STPG2: variants seen among roughly 807,000 people sequenced by gnomAD.
The protein encoded by STPG2 is sperm-tail PG-rich repeat-containing protein 2.
STPG2 carries 56 observed loss-of-function variants against 54.2 expected under a neutral mutation model. The observed-to-expected ratio is 1.03, with a 90% confidence interval of 0.83 to 1.29. The LOEUF (loss-of-function observed/expected upper bound fraction) is 1.29, where lower values mean the gene tolerates loss of function less well. STPG2 is among the 50% of genes most tolerant of loss of function. The probability of loss-of-function intolerance (pLI) is 0.00; values close to 1 mark genes in which losing one functional copy is unlikely to be tolerated. For missense variants in STPG2, 596 were observed against 544.9 expected, an observed-to-expected ratio of 1.09 and a Z score of -0.93; for synonymous variants, 200 against 181.8, an observed-to-expected ratio of 1.10 and a Z score of -0.81.
chr4:97,625,900 G>A (rs1734126688), intron 10 of STPG2, among the ~76,000 whole-genome samples: 1 of 152,070 alleles, frequency 6.6e-6, no homozygotes, highest in Non-Finnish European at 1.5e-5. Context: ...TCCAAATTCT[G>A]GTCCACAGAT....
At chr4:97,970,067 A>C (rs755497668) in intron 7 of STPG2, among the ~76,000 whole-genome samples, 4 of 152,218 alleles carry the variant, frequency 2.6e-5, no homozygotes, top group Non-Finnish European at 4.4e-5. Context: ...CAATTGCTTC[A>C]AAGAGAATAA....
intron 9 of STPG2, among the ~76,000 whole-genome samples, chr4:97,824,976 C>T (rs879301585): frequency 2.6e-5 from 4 of 152,032 alleles, no homozygotes; most frequent in African/African-American, 9.7e-5. Flanking sequence ...AAGGTTCAAA[C>T]GCCAGAAATA....
intron 4 of STPG2, among the ~76,000 whole-genome samples, chr4:97,520,829 A>G (rs985469297): frequency 5.9e-5 from 9 of 152,080 alleles, no homozygotes. Context: ...ATGATAATTC[A>G]GCTGTATTTA....
intron 10 of STPG2, among the ~76,000 whole-genome samples, chr4:97,587,648 A>T (rs1481690156): frequency 6.6e-6 from 1 of 151,944 alleles, no homozygotes; most frequent in Non-Finnish European, 1.5e-5. Context: ...AGAAGTTTGG[A>T]AGTATTTTAC....
intron 4 of STPG2, among the ~76,000 whole-genome samples, chr4:97,456,912 T>TAAAAAAAAAAAAAAAAA (rs1166086887): frequency 2.0e-4 from 19 of 97,174 alleles, no homozygotes; most frequent in African/African-American, 1.2e-3. Flanking sequence ...AAAAGAAAAT[T>TAAAAAAAAAAAAAAAAA]AAAAAAAAAA....
chr4:98,009,875 GT>G, intron 5 of STPG2, among the ~76,000 whole-genome samples: 1 of 151,840 alleles, frequency 6.6e-6, no homozygotes, highest in African/African-American at 2.4e-5. Context: ...TTTCTTCTAG[GT>G]TTTTCAGTTT....
intron 7 of STPG2, among the ~76,000 whole-genome samples, chr4:97,948,199 T>C (rs897727155): frequency 6.6e-6 from 1 of 151,946 alleles, no homozygotes; most frequent in African/African-American, 2.4e-5. Flanking sequence ...GCATAGTTTG[T>C]GTTTCTAGTT....
At chr4:97,687,238 C>T (rs572631733) in intron 10 of STPG2, among the ~76,000 whole-genome samples, 127 of 152,212 alleles carry the variant, frequency 8.3e-4, no homozygotes, top group African/African-American at 2.9e-3. Flanking sequence ...GCATGAGCCA[C>T]CGTGCCCGGC....
At chr4:97,456,325 GGGGA>G (rs1392620941) in intron 4 of STPG2, among the ~76,000 whole-genome samples, 1 of 152,008 alleles carries the variant, frequency 6.6e-6, no homozygotes, top group East Asian at 1.9e-4. Context: ...CCAGCAGGAA[GGGGA>G]GAGAGAGAGA....
chr4:97,741,891 G>T (rs1321027377), intron 9 of STPG2, among the ~76,000 whole-genome samples: 2 of 152,064 alleles, frequency 1.3e-5, no homozygotes, highest in Non-Finnish European at 2.9e-5. Flanking sequence ...TATAAATCAT[G>T]CTGCTATAAA....
intron 4 of STPG2, among the ~76,000 whole-genome samples, chr4:97,466,587 T>C (rs1409378013): frequency 1.3e-5 from 2 of 152,080 alleles, no homozygotes; most frequent in Non-Finnish European, 2.9e-5. Context: ...GGATTTTAAG[T>C]ATTTATTTTT....
intron 8 of STPG2, among the ~76,000 whole-genome samples, chr4:97,857,432 C>A (rs1308189298): frequency 2.0e-5 from 3 of 152,000 alleles, no homozygotes; most frequent in Admixed American, 2.0e-4. Context: ...TCTAGAATTT[C>A]TAGTTTATGG....
intron 10 of STPG2, among the ~76,000 whole-genome samples, chr4:97,656,480 T>C (rs1368617355): frequency 1.3e-5 from 2 of 152,006 alleles, no homozygotes; most frequent in Admixed American, 6.6e-5. Flanking sequence ...TTAGGACAAA[T>C]GCAATAGAGT....
chr4:97,607,169 C>T (rs1733616181), intron 10 of STPG2, among the ~76,000 whole-genome samples: 1 of 151,950 alleles, frequency 6.6e-6, no homozygotes, highest in East Asian at 1.9e-4. Flanking sequence ...GCAATAATAG[C>T]AGCAGCCACA....
At chr4:97,944,375 T>C (rs533699824) in intron 7 of STPG2, among the ~76,000 whole-genome samples, 2 of 151,940 alleles carry the variant, frequency 1.3e-5, no homozygotes, top group South Asian at 2.1e-4. Flanking sequence ...TTAATAAAAA[T>C]ATATTTACAT....
At chr4:97,599,344 C>T (rs1297959202) in intron 10 of STPG2, among the ~76,000 whole-genome samples, 1 of 152,184 alleles carries the variant, frequency 6.6e-6, no homozygotes, top group Admixed American at 6.5e-5. Context: ...TTTGTGATTC[C>T]TCAAAGAACT....
intron 1 of STPG2, among the ~76,000 whole-genome samples, chr4:98,138,220 A>G (rs913507886): frequency 2.6e-5 from 4 of 152,102 alleles, no homozygotes; most frequent in Non-Finnish European, 5.9e-5. Context: ...ATCACTGCCA[A>G]TAATTAAAGT....
chr4:98,110,506 C>A (rs923844925), intron 3 of STPG2, among the ~76,000 whole-genome samples: 3 of 152,082 alleles, frequency 2.0e-5, no homozygotes, highest in African/African-American at 7.2e-5. Flanking sequence ...TGCTAGAAAG[C>A]CACTGAGCAT....
At chr4:97,853,495 A>C (rs1049161567) in intron 8 of STPG2, among the ~76,000 whole-genome samples, 2 of 152,214 alleles carry the variant, frequency 1.3e-5, no homozygotes, top group Non-Finnish European at 2.9e-5. Context: ...TGTCAAATTC[A>C]ATAGCACATT....
Sources: gnomAD v4.1 joint callset for allele counts (sites outside exome capture counted in the v4.1 genomes callset) on GRCh38, gnomAD v4.1.1 for gene constraint, MANE v1.5 for transcripts, NCBI Gene and HGNC (gene_info 2026-07-23, HGNC 2026-07-21) for gene names.